Variants in LILRB3 observed in about 807,000 individuals in gnomAD.
LILRB3 encodes the protein leukocyte immunoglobulin like receptor B3.
LILRB3 carries 32 observed loss-of-function variants against 68.2 expected under a neutral mutation model. The observed-to-expected ratio is 0.47, with a 90% CI of 0.35 to 0.63. The LOEUF is 0.63. LILRB3 is among the 30% of genes least tolerant of loss of function. The pLI, the probability that LILRB3 is intolerant of heterozygous loss-of-function variation, is 0.00. For missense variants in LILRB3, 502 were observed against 791.3 expected, an observed-to-expected ratio of 0.63 and a Z score of 4.39; for synonymous variants, 185 against 323.1, an observed-to-expected ratio of 0.57 and a Z score of 4.58.
exon 11 of LILRB3, chr19:54,218,388 A>G (rs1164010424): frequency 1.9e-6 from 3 of 1,614,040 alleles, no homozygotes; most frequent in African/African-American, 2.7e-5. Flanking sequence ...CCCTGTCCTC[A>G]GACTGTGTGT....
chr19:54,219,894 G>A (rs1267907988), intron 7 of LILRB3: 7 of 1,548,190 alleles, frequency 4.5e-6, no homozygotes, highest in South Asian at 2.4e-5. Context: ...ACCCTGGGGG[G>A]TTAAGGGGCT....
exon 11 of LILRB3, chr19:54,218,377 A>G: frequency 1.9e-6 from 3 of 1,614,116 alleles, no homozygotes; most frequent in Non-Finnish European, 2.5e-6. Flanking sequence ...GTCCAGCTCC[A>G]CCCTGTCCTC....
At chr19:54,218,565 C>T in intron 10 of LILRB3, 80 bp downstream of exon 10, 1 of 1,609,280 alleles carries the variant, frequency 6.2e-7, no homozygotes, top group South Asian at 1.1e-5. Flanking sequence ...CAGACCCTTC[C>T]CAGCCCCTCC....
At position 54,219,007 on chromosome 19, in the gene LILRB3, T is replaced by C. The variant is rs565044372; in HGVS notation, c.1426+122A>G. 7.0e-5 allele frequency: 106 copies of C among 1,522,166 alleles called. No homozygotes were observed. In the African/African-American group the frequency reaches 1.4e-3, roughly 20 times the overall value. The allele number at this position is 1,522,166 out of a possible 1,614,324, so 94.3% of individuals were successfully genotyped here. On this transcript the variant is annotated intron_variant, in intron 8 of 12. Coordinates refer to ENST00000445347, the Ensembl canonical transcript of LILRB3. ...AATACTGAAGTTTGTAAATGCGTAT[T>C]GAAATTACGTGCCCCTGGAACCGGT...
intron 11 of LILRB3, 103 bp downstream of exon 11, chr19:54,218,258 C>T (rs1329667730): frequency 6.8e-7 from 1 of 1,475,884 alleles, no homozygotes; most frequent in South Asian, 1.1e-5. Flanking sequence ...GAGGGGTCCA[C>T]CGTGACGATG....
At chr19:54,219,208 C>G (rs371643891) in exon 8 of LILRB3, 10 of 1,602,730 alleles carry the variant, frequency 6.2e-6, no homozygotes, top group Non-Finnish European at 8.5e-6. Context: ...CGAAGGCCAC[C>G]GAGACCCCAA....
chr19:54,220,555 T>C, exon 6 of LILRB3: 1 of 1,373,420 alleles, frequency 7.3e-7, no homozygotes, highest in Non-Finnish European at 9.9e-7. Flanking sequence ...AGGGGCTCAC[T>C]GGGGAAAGAC....
In LILRB3 at chr19:54,220,744, G is replaced by A. The variant is rs140963490; in HGVS notation, c.1042C>T (p.Arg348Trp). Residue 348 changes from arginine (R) to tryptophan (W), a missense_variant, in exon 6 of 13, where the codon CGG (arginine) becomes TGG (tryptophan). Physicochemically the swap from Arg to Trp is moderately radical, Grantham distance 101 (BLOSUM62 -3). Transcript: ENST00000445347. ...AGAAGGAAAGTGTCAAAATACCCCC[G>A]TGACTGACACAGCAGGGTCATGTTC... The A allele has an allele frequency of 5.9e-6, 9 of 1,523,602 alleles. 1 individual carries two copies. Among genetic ancestry groups the A allele is most frequent in the Non-Finnish European group, 7.9e-6 (9 of 1,132,084 alleles). The allele number at this position is 1,523,602 out of a possible 1,614,324, so 94.4% of individuals were successfully genotyped here.
rs1298984347 is a variant in LILRB3 at position 54,222,226 on chromosome 19, C to T, written c.355+52G>A. 1.2e-6 allele frequency: 2 copies of T among 1,611,142 alleles called. No individual in the cohort carries two copies. The highest frequency in any genetic ancestry group is 1.7e-5 in the Admixed American group (1 of 59,872). ...AGAGGGAGACGCCCCTGAGAGCCGA[C>T]CCCCTTCCTGAGGGCAGAGCCTGGG... On this transcript the variant is annotated intron_variant, in intron 3 of 12. Transcript: ENST00000445347.
rs759079531 is a variant in LILRB3, at chr19:54,218,431, G to C, written c.1541-18C>G. 1 of 1,613,874 alleles carries C rather than the reference G, an allele frequency of 6.2e-7. No individual in the cohort carries two copies. The highest frequency in any genetic ancestry group is 8.5e-7 in the Non-Finnish European group (1 of 1,179,900). The stretch of plus-strand genomic sequence containing the variant: ...AGCAGCATCTGCTGGGGCAGAGCAA[G>C]GGGTTCGTCTCCTGGTTCTCTGAGA... On this transcript the variant is annotated intron_variant, in intron 10 of 12. Transcript: ENST00000445347.
Position 54,219,393 on chromosome 19 carries a change from C to G in LILRB3, c.1310-148G>C, listed in dbSNP as rs546228203. On this transcript the variant is annotated intron_variant, in intron 7 of 12. Transcript: ENST00000445347. ...ATTGCCACCCGTACAACCCATTTCACAGATGCACAAACTGAGGCTCAGAGC... is the reference window on the plus strand; with the variant it reads ...ATTGCCACCCGTACAACCCATTTCAGAGATGCACAAACTGAGGCTCAGAGC... 3 of 1,459,566 alleles carry G rather than the reference C, an allele frequency of 2.1e-6. No homozygotes were observed. The African/African-American group carries it at 4.2e-5, about 21-fold the overall frequency. The allele number at this position is 1,459,566 out of a possible 1,614,324, so 90.4% of individuals were successfully genotyped here.
At position 54,222,567 on chromosome 19, in the gene LILRB3, A is replaced by G; in HGVS notation, c.71-5T>C. 2 of 1,610,434 alleles carry G rather than the reference A, an allele frequency of 1.2e-6. No homozygotes were observed. Among genetic ancestry groups the G allele is most frequent in the East Asian group, 2.2e-5 (1 of 44,636 alleles). ...GGGTGGGTTTGGGGAAGGGCCCTAGATGGAAATCAGAGGCTGGATCCCAAG... is the reference window on the plus strand; with the variant it reads ...GGGTGGGTTTGGGGAAGGGCCCTAGGTGGAAATCAGAGGCTGGATCCCAAG... On this transcript the variant is annotated splice_polypyrimidine_tract_variant and splice_region_variant and intron_variant, in intron 2 of 12. Coordinates refer to ENST00000445347, the Ensembl canonical transcript of LILRB3.
In LILRB3 at chr19:54,218,437, C is replaced by G. The variant is rs1262377722; in HGVS notation, c.1541-24G>C. 4.3e-6 allele frequency: 7 copies of G among 1,613,728 alleles called. No homozygotes were observed. The Admixed American group carries it at 8.3e-5, about 19-fold the overall frequency. ...ATCTGCTGGGGCAGAGCAAGGGGTT[C>G]GTCTCCTGGTTCTCTGAGACCTCTC... is the stretch of plus-strand genomic sequence containing the variant. On this transcript the variant is annotated intron_variant, in intron 10 of 12. Transcript: ENST00000445347.
chr19:54,218,455 G>C, intron 10 of LILRB3, 42 bp from the exon 11 acceptor site: 1 of 1,612,918 alleles, frequency 6.2e-7, no homozygotes, highest in Non-Finnish European at 8.5e-7. Context: ...GGTTCTCTGA[G>C]ACCTCTCAGT....
intron 7 of LILRB3, 77 bp downstream of exon 7, chr19:54,220,078 G>A (rs1332896121): frequency 7.4e-6 from 11 of 1,484,676 alleles, no homozygotes; most frequent in Non-Finnish European, 1.0e-5. Flanking sequence ...TCCTTGAGGG[G>A]AGGGGAGTGG....
chr19:54,218,363 G>C, exon 11 of LILRB3: 1 of 1,614,114 alleles, frequency 6.2e-7, no homozygotes, highest in Non-Finnish European at 8.5e-7. Flanking sequence ...GATCTCACCT[G>C]ACTGTCCAGC....
Position 54,220,026 on chromosome 19 carries a change from C to T in LILRB3, c.1309+129G>A, listed in dbSNP as rs144339223. ...CATCTCCCTCTGCCTCGACCCCCGC[C>T]CCTCACCAGCCCAGCCTCAGAGCCC... On this transcript the variant is annotated intron_variant, in intron 7 of 12. Transcript: ENST00000445347. 1.5e-4 allele frequency: 163 copies of T among 1,116,698 alleles called. 41 individuals carry two copies. The East Asian group carries it at 2.7e-3, about 18-fold the overall frequency. The allele number at this position is 1,116,698 out of a possible 1,614,324, so 69.2% of individuals were successfully genotyped here. A position where few individuals can be genotyped will look rare whatever the true frequency, so the allele number is the denominator to read the frequency against.
intron 10 of LILRB3, 78 bp from the exon 11 acceptor site, chr19:54,218,491 A>G: frequency 6.2e-7 from 1 of 1,606,164 alleles, no homozygotes; most frequent in Non-Finnish European, 8.5e-7. Context: ...CCCTGCTCCC[A>G]GATGGGGCCA....
rs1450352747 is a variant in LILRB3, at chr19:54,222,640, C to G, written c.71-78G>C. ...GCTCCCAGCCCCAGGACTTCCCCAT[C>G]ATCCCCATCAGTCACCCAGAACTAC... On this transcript the variant is annotated intron_variant, in intron 2 of 12. Transcript: ENST00000445347. 7.4e-6 allele frequency: 12 copies of G among 1,611,846 alleles called. No individual in the cohort carries two copies. The East Asian group carries it at 1.1e-4, about 15-fold the overall frequency.
Sources: allele counts gnomAD v4.1 joint callset, GRCh38; gene constraint gnomAD v4.1.1; transcripts MANE v1.5; gene names NCBI Gene and HGNC (gene_info 2026-07-23, HGNC 2026-07-21).